PDE12: variants seen among roughly 807,000 people sequenced by gnomAD.
The protein encoded by PDE12 is 2',5'-phosphodiesterase 12.
Under a neutral mutation model 45.4 loss-of-function variants are expected in PDE12, and 26 were observed. That is an observed-to-expected ratio of 0.57 (90% CI 0.42 to 0.79). The LOEUF is 0.79. Ranked by LOEUF, PDE12 falls within the 30% of genes least tolerant of loss-of-function variation. The pLI is 0.00. For missense variants in PDE12, 668 were observed against 790.0 expected (o/e 0.85, Z 1.85); for synonymous variants, 283 against 323.9 (o/e 0.87, Z 1.36).
downstream of PDE12, among the ~76,000 whole-genome samples, chr3:57,567,885 G>A (rs933331779): frequency 3.3e-5 from 5 of 151,844 alleles, no homozygotes; most frequent in African/African-American, 1.2e-4. Flanking sequence ...TGGCCAACAT[G>A]GTGAAACCCC....
chr3:57,566,944 T>A (rs1397001748), downstream of PDE12: 1 of 152,190 alleles, frequency 6.6e-6, no homozygotes, highest in African/African-American at 2.4e-5. Flanking sequence ...AGAAACACTG[T>A]AACCAAAATC....
At chr3:57,622,338 G>A in the PDE12 span, among the ~76,000 whole-genome samples, 1 of 152,122 alleles carries the variant, frequency 6.6e-6, no homozygotes, top group Admixed American at 6.6e-5. Flanking sequence ...CAGCATCAAA[G>A]GTCATTAGCA....
Position 57,563,043 on chromosome 3 carries a change from C to A in PDE12, c.*3039C>A, listed in dbSNP as rs746003069. 6 of 151,926 alleles carry A rather than the reference C, an allele frequency of 3.9e-5. No homozygotes were observed. The highest frequency in any genetic ancestry group is 8.8e-5 in the Non-Finnish European group (6 of 68,002). The allele number at this position is 151,926 out of a possible 1,614,324, so 9.4% of individuals were successfully genotyped here. A position where few individuals can be genotyped will look rare whatever the true frequency, so the allele number is the denominator to read the frequency against. ...CATCTTTTGTATCTCATTCTCCAGC[C>A]GTGAAATAAAGGCAGAGGTTCCCTG... On this transcript the variant is annotated 3_prime_UTR_variant, in exon 3 of 3. Transcript: ENST00000311180.
the PDE12 span, among the ~76,000 whole-genome samples, chr3:57,591,216 T>C: frequency 1.3e-5 from 2 of 152,124 alleles, no homozygotes; most frequent in Admixed American, 1.3e-4. Context: ...CCTAAGTATT[T>C]ATCAGAGAAT....
the PDE12 span, among the ~76,000 whole-genome samples, chr3:57,611,278 C>T: frequency 6.6e-6 from 1 of 152,094 alleles, no homozygotes; most frequent in African/African-American, 2.4e-5. Flanking sequence ...ACCATAAAAA[C>T]CCTAGAAGAA....
chr3:57,637,873 C>T, the PDE12 span, among the ~76,000 whole-genome samples: 55 of 151,446 alleles, frequency 3.6e-4, no homozygotes, highest in African/African-American at 1.2e-3. Flanking sequence ...CAGTGGCTCA[C>T]GCTTGTAACC....
Position 57,556,514 on chromosome 3 carries a change from G to A in PDE12, c.135G>A (p.Ser45=), listed in dbSNP as rs2069660790. ...GCGCTGTAGTGCGCTGCGTACCTTC[G>A]GAACCCAAGCTGAGCCTGTCATTCG... ...MERAVVRCVP[S]EPKLSLSFAL... Residue 45 remains serine, a synonymous_variant, in exon 1 of 3, where the codon TCG becomes TCA. Transcript: ENST00000311180. The surrounding 1 kb of genome is among the most constrained non-coding windows in gnomAD (Gnocchi z 5.0). 6.2e-7 allele frequency: 1 copy of A among 1,613,502 alleles called. No homozygotes were observed. The highest frequency in any genetic ancestry group is 1.1e-5 in the South Asian group (1 of 91,090).
chr3:57,623,864 G>A, the PDE12 span, among the ~76,000 whole-genome samples: 3 of 152,012 alleles, frequency 2.0e-5, no homozygotes, highest in South Asian at 2.1e-4. Flanking sequence ...AGTTAACACA[G>A]AAATAGTATA....
At chr3:57,645,788 G>T in the PDE12 span, 1 of 1,532,550 alleles carries the variant, frequency 6.5e-7, no homozygotes, top group South Asian at 1.1e-5. Context: ...TAAAATAAAG[G>T]ACACAGAAAT....
chr3:57,570,039 A>G (rs2069822137), downstream of PDE12, among the ~76,000 whole-genome samples: 1 of 152,060 alleles, frequency 6.6e-6, no homozygotes, highest in South Asian at 2.1e-4. Context: ...ACACACAACA[A>G]TTATACTATA....
At chr3:57,574,424 TTA>T in the PDE12 span, among the ~76,000 whole-genome samples, 24 of 151,618 alleles carry the variant, frequency 1.6e-4, no homozygotes, top group Non-Finnish European at 3.2e-4. Context: ...TTTTTTTTTT[TTA>T]AAGAAACAGT....
chr3:57,620,264 CAA>C, the PDE12 span, among the ~76,000 whole-genome samples: 1 of 151,298 alleles, frequency 6.6e-6, no homozygotes, highest in Non-Finnish European at 1.5e-5. Context: ...AGATCAGAAA[CAA>C]AGAGCCGGAC....
the PDE12 span, among the ~76,000 whole-genome samples, chr3:57,646,847 C>G: frequency 6.6e-6 from 1 of 152,166 alleles, no homozygotes; most frequent in Non-Finnish European, 1.5e-5. Flanking sequence ...ATATACTTAA[C>G]TTAAAACCCA....
At chr3:57,559,474 C>T (rs2069703658) in intron 2 of PDE12, 86 bp downstream of exon 2, 2 of 1,560,306 alleles carry the variant, frequency 1.3e-6, no homozygotes, top group Non-Finnish European at 1.8e-6. Context: ...TTGAACGTCA[C>T]CCAGAGACTG....
chr3:57,567,825 G>A (rs914679025), downstream of PDE12, among the ~76,000 whole-genome samples: 18 of 151,948 alleles, frequency 1.2e-4, no homozygotes, highest in Admixed American at 7.9e-4. Flanking sequence ...GGCCGGATGC[G>A]GTGGCTCACA....
the PDE12 span, among the ~76,000 whole-genome samples, chr3:57,599,105 C>G: frequency 4.0e-3 from 605 of 152,270 alleles, 2 homozygotes; most frequent in Middle Eastern, 6.8e-3. Flanking sequence ...AATGAGACAT[C>G]AATCAATATA....
At chr3:57,571,103 A>G (rs574690829), downstream of PDE12, among the ~76,000 whole-genome samples, 6 of 152,086 alleles carry the variant, frequency 3.9e-5, no homozygotes, top group Admixed American at 3.3e-4. Flanking sequence ...TCAACCTCCT[A>G]AAGTGCTAGG....
chr3:57,585,853 G>A, the PDE12 span, among the ~76,000 whole-genome samples: 1 of 151,914 alleles, frequency 6.6e-6, no homozygotes. Flanking sequence ...GTAGAGACGG[G>A]GTTTCACCAT....
chr3:57,624,766 G>GA, the PDE12 span, among the ~76,000 whole-genome samples: 2,022 of 141,080 alleles, frequency 0.014, 48 homozygotes, highest in African/African-American at 0.049. Flanking sequence ...TCCGTCTCAA[G>GA]AAAAAAAAAA....
Sources: gnomAD v4.1 joint callset for allele counts (sites outside exome capture counted in the v4.1 genomes callset) on GRCh38, gnomAD v4.1.1 for gene constraint, Gnocchi (gnomAD v3.1) non-coding constraint, MANE v1.5 for transcripts, NCBI Gene and HGNC (gene_info 2026-07-23, HGNC 2026-07-21) for gene names.